Variants in C8orf34 observed in about 807,000 individuals in gnomAD.
The protein encoded by C8orf34 is uncharacterized protein C8orf34.
Under a neutral mutation model 68.3 loss-of-function variants are expected in C8orf34, and 65 were observed. The observed-to-expected ratio is 0.95, with a 90% CI of 0.78 to 1.17. C8orf34 has a LOEUF of 1.17. Ranked by LOEUF, C8orf34 falls within the 50% of genes most tolerant of loss-of-function variation. C8orf34 has a pLI of 0.00. For synonymous variants in C8orf34, 244 were observed against 241.2 expected (o/e 1.01, Z -0.11); for missense variants, 664 against 655.4 (o/e 1.01, Z -0.14).
intron 8 of C8orf34, among the ~76,000 whole-genome samples, chr8:68,695,304 C>T (rs535232480): frequency 5.3e-5 from 8 of 152,084 alleles, no homozygotes; most frequent in East Asian, 1.9e-4. Context: ...CCCGCCACCA[C>T]GTCTGGCTAA....
At chr8:68,804,312 C>G (rs557620156) in intron 12 of C8orf34, among the ~76,000 whole-genome samples, 3 of 152,282 alleles carry the variant, frequency 2.0e-5, no homozygotes, top group Non-Finnish European at 4.4e-5. Context: ...TTATTCTGTA[C>G]TTTTCGGAGC....
At chr8:68,376,287 G>A (rs1807795648) in intron 1 of C8orf34, among the ~76,000 whole-genome samples, 1 of 151,712 alleles carries the variant, frequency 6.6e-6, no homozygotes, top group African/African-American at 2.4e-5. Flanking sequence ...TTATAAATGG[G>A]GGGTCTTATG....
At chr8:68,360,110 A>G (rs937330764) in intron 1 of C8orf34, among the ~76,000 whole-genome samples, 4 of 152,186 alleles carry the variant, frequency 2.6e-5, no homozygotes, top group Non-Finnish European at 4.4e-5. Context: ...CCCAGGGCCC[A>G]GTTACCATTC....
intron 6 of C8orf34, among the ~76,000 whole-genome samples, chr8:68,529,570 A>C (rs1312084653): frequency 6.6e-6 from 1 of 152,176 alleles, no homozygotes; most frequent in Non-Finnish European, 1.5e-5. Context: ...AGAAATACTG[A>C]AGTATTTGAT....
intron 1 of C8orf34, among the ~76,000 whole-genome samples, chr8:68,382,030 A>G (rs1409746155): frequency 6.6e-6 from 1 of 152,232 alleles, no homozygotes; most frequent in Non-Finnish European, 1.5e-5. Context: ...ATTTTCAATT[A>G]GAAACATAGC....
At chr8:68,606,653 AC>A (rs1395368465) in intron 7 of C8orf34, among the ~76,000 whole-genome samples, 1 of 152,062 alleles carries the variant, frequency 6.6e-6, no homozygotes, top group Non-Finnish European at 1.5e-5. Context: ...GCAACATGAT[AC>A]CCTGCCTCCT....
intron 3 of C8orf34, among the ~76,000 whole-genome samples, chr8:68,467,968 C>T (rs1383600102): frequency 6.6e-6 from 1 of 151,676 alleles, no homozygotes; most frequent in Non-Finnish European, 1.5e-5. Context: ...TTTAATGGGC[C>T]CTTTAAATCT....
intron 1 of C8orf34, among the ~76,000 whole-genome samples, chr8:68,336,507 G>C (rs1805858814): frequency 6.6e-6 from 1 of 152,130 alleles, no homozygotes; most frequent in African/African-American, 2.4e-5. Flanking sequence ...TGTTGTGTTG[G>C]ATTGAAATTG....
chr8:68,788,560 C>G (rs556280462), intron 12 of C8orf34, among the ~76,000 whole-genome samples: 5 of 152,244 alleles, frequency 3.3e-5, no homozygotes, highest in African/African-American at 9.6e-5. Context: ...CAACCATCTT[C>G]TATAGAAAAC....
rs187348061 is a variant in C8orf34 at position 68,777,504 on chromosome 8, C to A, written c.1455+1055C>A. Among the ~76,000 whole-genome samples the A allele has an allele frequency of 5.3e-4, 80 of 152,322 alleles. 1 individual carries two copies. Among genetic ancestry groups the A allele is most frequent in the Admixed American group, 3.5e-3 (54 of 15,290 alleles). On this transcript the variant is annotated intron_variant, in intron 11 of 13. Coordinates refer to ENST00000518698, the MANE Select transcript of C8orf34 (RefSeq NM_052958.4). ...AAGGTGGAGAATTTATGCCTTTTCA[C>A]TTAAAGTACTTAAAGGCTATTGTTC... is the stretch of plus-strand genomic sequence containing the variant.
intron 4 of C8orf34, among the ~76,000 whole-genome samples, chr8:68,475,240 T>C (rs928383279): frequency 6.6e-6 from 1 of 152,228 alleles, no homozygotes; most frequent in Non-Finnish European, 1.5e-5. Flanking sequence ...CAAGATTATT[T>C]CTCTGTTGCT....
intron 1 of C8orf34, among the ~76,000 whole-genome samples, chr8:68,433,858 TG>T (rs1810547609): frequency 6.6e-6 from 1 of 152,212 alleles, no homozygotes. Context: ...AACTTACTTA[TG>T]GCTTTGCTTT....
chr8:68,354,127 T>C (rs1443382054), intron 1 of C8orf34, among the ~76,000 whole-genome samples: 1 of 152,110 alleles, frequency 6.6e-6, no homozygotes, highest in Non-Finnish European at 1.5e-5. Context: ...ATTTGTGCGC[T>C]AAATTATTTC....
intron 9 of C8orf34, among the ~76,000 whole-genome samples, chr8:68,710,921 C>A (rs1282429804): frequency 6.6e-6 from 1 of 152,178 alleles, no homozygotes; most frequent in Admixed American, 6.5e-5. Flanking sequence ...CACTTCACTC[C>A]CCTGCTACCT....
intron 8 of C8orf34, among the ~76,000 whole-genome samples, chr8:68,678,391 T>A (rs1820257958): frequency 6.6e-6 from 1 of 152,088 alleles, no homozygotes; most frequent in Non-Finnish European, 1.5e-5. Flanking sequence ...TTCATCACAA[T>A]CAGATGGGAA....
At chr8:68,475,088 C>T (rs1812548937) in intron 4 of C8orf34, among the ~76,000 whole-genome samples, 1 of 152,136 alleles carries the variant, frequency 6.6e-6, no homozygotes, top group African/African-American at 2.4e-5. Context: ...GCACCGCACT[C>T]CCTCGAGGTT....
intron 5 of C8orf34, among the ~76,000 whole-genome samples, chr8:68,500,874 G>T (rs749517960): frequency 1.3e-5 from 2 of 152,000 alleles, no homozygotes; most frequent in Non-Finnish European, 2.9e-5. Context: ...GATACTTCTC[G>T]ATCTGAGCTG....
chr8:68,426,684 A>G (rs1563429293), intron 1 of C8orf34, among the ~76,000 whole-genome samples: 1 of 152,064 alleles, frequency 6.6e-6, no homozygotes, highest in South Asian at 2.1e-4. Context: ...CCTGACCAAA[A>G]TGGTGAAACC....
In C8orf34 at chr8:68,625,200, A is replaced by G. The variant is rs567432333; in HGVS notation, c.1106-15176A>G. ...TTCTGGGGTTGAGAAGGGAGCAAGT[A>G]CAAGAGACCTCAGGGCCGTAATATT... On this transcript the variant is annotated intron_variant, in intron 7 of 13. Coordinates refer to ENST00000518698, the MANE Select transcript of C8orf34 (RefSeq NM_052958.4). Among the ~76,000 whole-genome samples, 3 of 152,282 alleles carry G rather than the reference A, an allele frequency of 2.0e-5. No individual in the cohort carries two copies. In the South Asian group the frequency reaches 6.2e-4, roughly 32 times the overall value.
Sources: gnomAD v4.1 joint callset for allele counts (sites outside exome capture counted in the v4.1 genomes callset) on GRCh38, gnomAD v4.1.1 for gene constraint, MANE v1.5 for transcripts, NCBI Gene and HGNC (gene_info 2026-07-23, HGNC 2026-07-21) for gene names.